Variants in GULP1 observed in about 807,000 individuals in gnomAD.
GULP1 encodes PTB domain-containing engulfment adapter protein 1.
GULP1 carries 19 observed loss-of-function variants against 40.9 expected under a neutral mutation model. The observed-to-expected ratio is 0.46, with a 90% CI of 0.32 to 0.68. GULP1 has a LOEUF of 0.68. Among genes scored for constraint, GULP1 ranks in the 30% least tolerant of loss-of-function variants. The probability of loss-of-function intolerance (pLI) is 0.03; values close to 1 mark genes in which losing one functional copy is unlikely to be tolerated. For synonymous variants in GULP1, 119 were observed against 117.6 expected, an observed-to-expected ratio of 1.01 and a Z score of -0.08; for missense variants, 312 against 362.2, an observed-to-expected ratio of 0.86 and a Z score of 1.12.
rs371721822 is a variant in GULP1, at chr2:188,477,773, T to C, written c.28+43T>C. 10 of 1,472,260 alleles carry C rather than the reference T, an allele frequency of 6.8e-6. No individual in the cohort carries two copies. In the African/African-American group the frequency reaches 1.4e-4, roughly 21 times the overall value. 91.2% of individuals were successfully genotyped at this position (1,472,260 alleles called of 1,614,324 possible). On this transcript the variant is annotated intron_variant, in intron 3 of 11. Transcript: ENST00000409830. ...TTAAAACTTGGGAGTCAAGCCAATG[T>C]TGCTATGAACATAAGCAGCGATGTT... is the stretch of plus-strand genomic sequence containing the variant.
chr2:188,365,787 A>G (rs1352811096), intron 1 of GULP1, among the ~76,000 whole-genome samples: 1 of 152,172 alleles, frequency 6.6e-6, no homozygotes, highest in Non-Finnish European at 1.5e-5. Flanking sequence ...AAGGGGTGAG[A>G]CAAGGGAAAC....
chr2:188,528,040 A>G (rs528995836), intron 5 of GULP1, among the ~76,000 whole-genome samples: 2 of 152,274 alleles, frequency 1.3e-5, no homozygotes, highest in African/African-American at 2.4e-5. Flanking sequence ...GAAGAGGGGC[A>G]AGAAATTCTT....
chr2:188,561,475 C>G lies in GULP1; in HGVS notation c.400-7764C>G, dbSNP rs1485533601. Among the ~76,000 whole-genome samples, 4 of 152,096 alleles carry G rather than the reference C, an allele frequency of 2.6e-5. No individual in the cohort carries two copies. In the East Asian group the frequency reaches 7.7e-4, roughly 29 times the overall value. On this transcript the variant is annotated intron_variant, in intron 7 of 11. Transcript: ENST00000409830. The stretch of plus-strand genomic sequence containing the variant: ...CAGGTGCCAGTTAAGGTAATAGCAG[C>G]CAGGAGTTTAGAGTTTAGGGCCAAC...
intron 2 of GULP1, among the ~76,000 whole-genome samples, chr2:188,405,902 A>T (rs2053023911): frequency 6.6e-6 from 1 of 152,252 alleles, no homozygotes; most frequent in Non-Finnish European, 1.5e-5. Flanking sequence ...GGTTAAGAAC[A>T]GTCATAGAAA....
chr2:188,592,599 C>G (rs1051305055), intron 11 of GULP1: 10 of 151,950 alleles, frequency 6.6e-5, no homozygotes, highest in African/African-American at 2.2e-4. Context: ...ATGATTACAT[C>G]ACTGTAATTG....
Position 188,594,089 on chromosome 2 carries a change from G to T in GULP1, c.*78G>T, listed in dbSNP as rs1704109937. 6 of 768,342 alleles carry T rather than the reference G, an allele frequency of 7.8e-6. No homozygotes were observed. Among genetic ancestry groups the T allele is most frequent in the South Asian group, 1.9e-5 (1 of 54,020 alleles). 47.6% of individuals were successfully genotyped at this position (768,342 alleles called of 1,614,324 possible). A position where few individuals can be genotyped will look rare whatever the true frequency, so the allele number is the denominator to read the frequency against. On this transcript the variant is annotated 3_prime_UTR_variant, in exon 12 of 12. Transcript: ENST00000409830. ...CATTTATTATTATTACTTTAAGATA[G>T]GTATTATTCATGTGTCAATGTTTTT...
chr2:188,368,048 T>C (rs1352394193), intron 1 of GULP1, among the ~76,000 whole-genome samples: 2 of 152,200 alleles, frequency 1.3e-5, no homozygotes, highest in African/African-American at 4.8e-5. Flanking sequence ...CTTCCTCTTC[T>C]TTCAATCTTC....
chr2:188,389,520 A>G (rs2050231795), intron 2 of GULP1, among the ~76,000 whole-genome samples: 1 of 152,162 alleles, frequency 6.6e-6, no homozygotes, highest in Admixed American at 6.6e-5. Flanking sequence ...AGATAAATGT[A>G]TTATGAGTCT....
intron 1 of GULP1, among the ~76,000 whole-genome samples, chr2:188,376,455 T>G (rs1332944331): frequency 1.3e-5 from 2 of 152,120 alleles, no homozygotes; most frequent in Non-Finnish European, 2.9e-5. Flanking sequence ...ATGATGGAAT[T>G]GAGTGAACAG....
At chr2:188,495,304 C>G (rs1033869803) in intron 4 of GULP1, among the ~76,000 whole-genome samples, 4 of 152,090 alleles carry the variant, frequency 2.6e-5, no homozygotes, top group Non-Finnish European at 5.9e-5. Flanking sequence ...TATATGCCCT[C>G]TTCTGGGCCT....
intron 4 of GULP1, among the ~76,000 whole-genome samples, chr2:188,505,759 G>A (rs1187484046): frequency 6.6e-6 from 1 of 151,674 alleles, no homozygotes; most frequent in Non-Finnish European, 1.5e-5. Flanking sequence ...CTGTTGAACT[G>A]GAGATAAGTA....
intron 1 of GULP1, among the ~76,000 whole-genome samples, chr2:188,349,182 T>C (rs1206863834): frequency 1.3e-5 from 2 of 152,190 alleles, no homozygotes; most frequent in African/African-American, 2.4e-5. Flanking sequence ...GTTTCCACAG[T>C]TTGTCTATTT....
chr2:188,425,359 G>T (rs1208179968), intron 2 of GULP1, among the ~76,000 whole-genome samples: 1 of 151,584 alleles, frequency 6.6e-6, no homozygotes, highest in Non-Finnish European at 1.5e-5. Flanking sequence ...TCCATGGTTT[G>T]TTACTCTTCT....
At chr2:188,519,881 C>A (rs571331542) in intron 4 of GULP1, among the ~76,000 whole-genome samples, 23 of 152,182 alleles carry the variant, frequency 1.5e-4, no homozygotes, top group Non-Finnish European at 2.2e-4. Context: ...TGAGCTCAGG[C>A]AGATCTCTTG....
At chr2:188,466,323 G>A (rs921592314) in intron 2 of GULP1, among the ~76,000 whole-genome samples, 3 of 150,842 alleles carry the variant, frequency 2.0e-5, no homozygotes, top group Non-Finnish European at 4.4e-5. Context: ...TGTCACCCAG[G>A]CTGGAGTGCA....
intron 2 of GULP1, among the ~76,000 whole-genome samples, chr2:188,443,648 T>G (rs1292643714): frequency 1.3e-5 from 2 of 152,138 alleles, no homozygotes; most frequent in Non-Finnish European, 2.9e-5. Context: ...TGCTAAAAAC[T>G]GATTTTATAA....
chr2:188,481,724 C>T (rs2153054221), intron 3 of GULP1, among the ~76,000 whole-genome samples: 1 of 151,950 alleles, frequency 6.6e-6, no homozygotes, highest in South Asian at 2.1e-4. Context: ...CGTTTACATA[C>T]TCCTGAGATG....
intron 2 of GULP1, among the ~76,000 whole-genome samples, chr2:188,406,026 A>T (rs2053042908): frequency 6.6e-6 from 1 of 152,230 alleles, no homozygotes; most frequent in Admixed American, 6.5e-5. Context: ...GGATGTAGAT[A>T]CTTTCTGAAA....
intron 6 of GULP1, among the ~76,000 whole-genome samples, chr2:188,531,209 C>A (rs1687451831): frequency 6.6e-6 from 1 of 152,126 alleles, no homozygotes; most frequent in African/African-American, 2.4e-5. Context: ...AAAGAAGAAA[C>A]CTAGTGTTTC....
Sources: gnomAD v4.1 joint callset for allele counts (sites outside exome capture counted in the v4.1 genomes callset) on GRCh38, gnomAD v4.1.1 for gene constraint, MANE v1.5 for transcripts, NCBI Gene and HGNC (gene_info 2026-07-23, HGNC 2026-07-21) for gene names.